FAM227A: variants seen among roughly 807,000 people sequenced by gnomAD.
The protein encoded by FAM227A is protein FAM227A.
FAM227A carries 80 observed loss-of-function variants against 74.7 expected under a neutral mutation model. The ratio of observed to expected loss-of-function variants is 1.07; its 90% confidence interval spans 0.89 to 1.29. The LOEUF is 1.29. FAM227A is among the 50% of genes most tolerant of loss of function. The pLI is 0.00. For missense variants in FAM227A, 654 were observed against 683.4 expected (o/e 0.96, Z 0.48); for synonymous variants, 237 against 241.8 (o/e 0.98, Z 0.19).
rs1269701117 is a variant in FAM227A, at chr22:38,581,685, C to A, written c.*4440G>T. 3 of 151,848 alleles carry A rather than the reference C, an allele frequency of 2.0e-5. No individual in the cohort carries two copies. The highest frequency in any genetic ancestry group is 4.4e-5 in the Non-Finnish European group (3 of 68,076). 9.4% of individuals were successfully genotyped at this position (151,848 alleles called of 1,614,324 possible). A position where few individuals can be genotyped will look rare whatever the true frequency, so the allele number is the denominator to read the frequency against. On this transcript the variant is annotated 3_prime_UTR_variant, in exon 17 of 17. Transcript: ENST00000535113. ...AACTACTGGTCTCAGGCAATCCACC[C>A]GCCTCGGCCTCCCAAAGTGCTGAGA...
intron 11 of FAM227A, among the ~76,000 whole-genome samples, chr22:38,607,998 ATACTT>A (rs1052877185): frequency 3.3e-5 from 5 of 152,232 alleles, no homozygotes; most frequent in African/African-American, 1.2e-4. Context: ...ATAGACAGTT[ATACTT>A]AAGTGTGGAA....
At chr22:38,620,393 C>G in intron 10 of FAM227A, 102 bp from the exon 11 acceptor site, 1 of 869,620 alleles carries the variant, frequency 1.1e-6, no homozygotes, top group Non-Finnish European at 1.8e-6. Context: ...ACAGTGACAC[C>G]CACCAGATCT....
intron 5 of FAM227A, 115 bp from the exon 6 acceptor site, chr22:38,636,712 G>A: frequency 1.2e-6 from 1 of 869,232 alleles, no homozygotes. Context: ...AGAATGTTGA[G>A]AAAATGAGGG....
At chr22:38,589,309 TGGACTTC>T (rs560383518) in intron 16 of FAM227A, among the ~76,000 whole-genome samples, 1,527 of 152,224 alleles carry the variant, frequency 0.01, 31 homozygotes, top group African/African-American at 0.036. Flanking sequence ...ACCTTGACTT[TGGACTTC>T]GGCCTCCAGA....
chr22:38,643,848 T>C (rs371947167), intron 3 of FAM227A, among the ~76,000 whole-genome samples: 2 of 152,070 alleles, frequency 1.3e-5, no homozygotes, highest in African/African-American at 4.8e-5. Context: ...AAAAGATGGG[T>C]TGTTCCCAGA....
At chr22:38,621,797 A>G (rs1391939101) in intron 10 of FAM227A, among the ~76,000 whole-genome samples, 1 of 152,156 alleles carries the variant, frequency 6.6e-6, no homozygotes, top group Non-Finnish European at 1.5e-5. Context: ...TGATTTGGAG[A>G]GATGCTGATG....
intron 8 of FAM227A, among the ~76,000 whole-genome samples, chr22:38,627,519 G>A (rs370022570): frequency 1.3e-5 from 2 of 151,776 alleles, no homozygotes; most frequent in African/African-American, 4.8e-5. Context: ...AGTGAGTCGA[G>A]ATCATACTAC....
intron 11 of FAM227A, among the ~76,000 whole-genome samples, chr22:38,609,916 C>T (rs954207786): frequency 1.3e-5 from 2 of 152,050 alleles, no homozygotes; most frequent in African/African-American, 2.4e-5. Flanking sequence ...GGACTACGGG[C>T]GCCCGCCACC....
In FAM227A at chr22:38,578,584, G is replaced by C. The variant is rs928741796; in HGVS notation, c.*7541C>G. On this transcript the variant is annotated 3_prime_UTR_variant, in exon 17 of 17. Transcript: ENST00000535113. ...ACAGGTAGGTACCTGCCCTCAAGGA[G>C]CCATGAGTCTAGTAGAGAAGACAAT... 6.6e-6 allele frequency: 1 copy of C among 152,154 alleles called. No homozygotes were observed. Among genetic ancestry groups the C allele is most frequent in the African/African-American group, 2.4e-5 (1 of 41,406 alleles). The allele number at this position is 152,154 out of a possible 1,614,324, so 9.4% of individuals were successfully genotyped here.
rs1453377285 is a variant in FAM227A, at chr22:38,578,497, CA to C, written c.*7627del. ...GGTGTCCAAGAGAGGCTTGCTATGA[CA>C]GTTTATTTTACTAGCATTTATTCAA... On this transcript the variant is annotated 3_prime_UTR_variant, in exon 17 of 17. Coordinates refer to ENST00000535113, the MANE Select transcript of FAM227A (RefSeq NM_001013647.2). The C allele has an allele frequency of 6.6e-6, 1 of 152,186 alleles. No individual in the cohort carries two copies. Among genetic ancestry groups the C allele is most frequent in the Admixed American group, 6.6e-5 (1 of 15,262 alleles). 9.4% of individuals were successfully genotyped at this position (152,186 alleles called of 1,614,324 possible). A position where few individuals can be genotyped will look rare whatever the true frequency, so the allele number is the denominator to read the frequency against.
Position 38,626,177 on chromosome 22 carries a change from C to T in FAM227A, c.850+3G>A, listed in dbSNP as rs536095866. 6.4e-7 allele frequency: 1 copy of T among 1,551,128 alleles called. No individual in the cohort carries two copies. The highest frequency in any genetic ancestry group is 2.4e-5 in the East Asian group (1 of 40,906). The stretch of plus-strand genomic sequence containing the variant: ...TCCCCGGTGGAAAAAAGTCACCTCT[C>T]ACCTGAAATCCACAGGCTCATTGTG... On this transcript the variant is annotated splice_donor_region_variant and intron_variant, in intron 9 of 16. Coordinates refer to ENST00000535113, the MANE Select transcript of FAM227A (RefSeq NM_001013647.2).
At chr22:38,652,436 AAATT>A (rs1371376780) in intron 1 of FAM227A, among the ~76,000 whole-genome samples, 2 of 148,928 alleles carry the variant, frequency 1.3e-5, no homozygotes, top group African/African-American at 2.5e-5. Flanking sequence ...AAAATACAAA[AAATT>A]AGCCGGGCAT....
chr22:38,605,199 C>T, intron 13 of FAM227A, 55 bp downstream of exon 13: 1 of 990,356 alleles, frequency 1.0e-6, no homozygotes, highest in Non-Finnish European at 1.6e-6. Context: ...TCTTACCACA[C>T]CTCTCACCCC....
intron 15 of FAM227A, among the ~76,000 whole-genome samples, chr22:38,596,778 A>G (rs1201984610): frequency 1.3e-5 from 2 of 152,204 alleles, no homozygotes; most frequent in Non-Finnish European, 2.9e-5. Flanking sequence ...AAGGCAGAAG[A>G]CAGAGGAAAA....
chr22:38,641,564 A>AAC (rs1569235302), intron 3 of FAM227A, among the ~76,000 whole-genome samples: 13 of 151,246 alleles, frequency 8.6e-5, no homozygotes, highest in African/African-American at 3.2e-4. Flanking sequence ...AAAAAAAAAA[A>AAC]AAAACAAAAC....
Position 38,582,723 on chromosome 22 carries a change from A to T in FAM227A, c.*3402T>A. The T allele has an allele frequency of 2.4e-5, 28 of 1,163,876 alleles. 2 individuals carry two copies. The South Asian group carries it at 4.2e-4, about 17-fold the overall frequency. The allele number at this position is 1,163,876 out of a possible 1,614,324, so 72.1% of individuals were successfully genotyped here. The stretch of plus-strand genomic sequence containing the variant: ...TTTGTCCTGGGCTTAGAAAATAAGG[A>T]GACCTTCTTGCTGTATGGGGGCTAA... On this transcript the variant is annotated 3_prime_UTR_variant, in exon 17 of 17. Transcript: ENST00000535113.
At position 38,582,804 on chromosome 22, in the gene FAM227A, A is replaced by G. The variant is rs2090727929; in HGVS notation, c.*3321T>C. The G allele has an allele frequency of 6.5e-7, 1 of 1,548,140 alleles. No homozygotes were observed. Among genetic ancestry groups the G allele is most frequent in the Admixed American group, 2.0e-5 (1 of 50,974 alleles). On this transcript the variant is annotated 3_prime_UTR_variant, in exon 17 of 17. Coordinates refer to ENST00000535113, the MANE Select transcript of FAM227A (RefSeq NM_001013647.2). ...CCAATCTACTATGGTAACTGCTGCC[A>G]TAATGGGATGGCACAGAATGCTGTT...
At chr22:38,655,339 G>A (rs5750653) in intron 1 of FAM227A, among the ~76,000 whole-genome samples, 44,524 of 150,966 alleles carry the variant, frequency 0.29, 6,631 homozygotes, top group East Asian at 0.36. Flanking sequence ...AGACCAGCCT[G>A]GCCAACATGG....
intron 11 of FAM227A, among the ~76,000 whole-genome samples, chr22:38,611,227 C>G (rs538831951): frequency 6.6e-6 from 1 of 152,230 alleles, no homozygotes; most frequent in African/African-American, 2.4e-5. Context: ...GTGTTCCAGC[C>G]CACCTGGCCA....
Sources: allele counts gnomAD v4.1 joint callset (sites outside exome capture counted in the v4.1 genomes callset), GRCh38; gene constraint gnomAD v4.1.1; transcripts MANE v1.5; gene names NCBI Gene and HGNC (gene_info 2026-07-23, HGNC 2026-07-21).